The following CHST4 variants were observed in gnomAD, a reference collection of about 807,000 sequenced individuals.
CHST4 encodes carbohydrate sulfotransferase 4.
For missense variants in CHST4, 466 were observed against 506.0 expected, an observed-to-expected ratio of 0.92 and a Z score of 0.76; for synonymous variants, 171 against 195.5, an observed-to-expected ratio of 0.87 and a Z score of 1.05.
In CHST4 at chr16:71,536,820, T is replaced by A; in HGVS notation, c.143T>A (p.Leu48Gln). The A allele has an allele frequency of 2.0e-6, 3 of 1,536,886 alleles. No homozygotes were observed. Among genetic ancestry groups the A allele is most frequent in the Non-Finnish European group, 2.6e-6 (3 of 1,142,604 alleles). ...CCCGAGCGCATGCACGTGCTGGTTC[T>A]GTCTTCCTGGCGCTCTGGCTCTTCT... ...AQPERMHVLV[L>Q]SSWRSGSSFV... Residue 48 changes from leucine (L) to glutamine (Q), a missense_variant, in exon 2 of 2, where the codon CTG (leucine) becomes CAG (glutamine). Leu to Gln is a moderately radical substitution (Grantham distance 113). Transcript: ENST00000539698.
intron 1 of CHST4, among the ~76,000 whole-genome samples, chr16:71,528,801 G>A (rs570768478): frequency 2.6e-5 from 4 of 152,134 alleles, no homozygotes; most frequent in South Asian, 2.1e-4. Flanking sequence ...TTGTCTCTAC[G>A]AGGCTACATG....
At chr16:71,529,696 C>G (rs527440238) in intron 1 of CHST4, among the ~76,000 whole-genome samples, 1 of 151,536 alleles carries the variant, frequency 6.6e-6, no homozygotes, top group Admixed American at 6.6e-5. Context: ...TTTAATGAGC[C>G]GAGCCCTGAT....
At chr16:71,531,881 A>C (rs1242823885) in intron 1 of CHST4, among the ~76,000 whole-genome samples, 1 of 151,810 alleles carries the variant, frequency 6.6e-6, no homozygotes. Context: ...ACTTTTTCTC[A>C]TACTCACATT....
intron 1 of CHST4, among the ~76,000 whole-genome samples, chr16:71,533,242 T>C (rs1202578032): frequency 6.6e-6 from 1 of 151,790 alleles, no homozygotes; most frequent in Non-Finnish European, 1.5e-5. Flanking sequence ...CTGGCTAACA[T>C]GGTGAAACCT....
At chr16:71,535,844 T>C (rs1040797936) in intron 1 of CHST4, among the ~76,000 whole-genome samples, 45 of 152,198 alleles carry the variant, frequency 3.0e-4, no homozygotes, top group African/African-American at 9.9e-4. Context: ...AGGTCGACAT[T>C]GGATCAACTC....
chr16:71,533,024 A>T lies in CHST4; in HGVS notation c.-18-3636A>T, dbSNP rs551787071. Among the ~76,000 whole-genome samples the T allele has an allele frequency of 8.4e-4, 128 of 151,924 alleles. 1 individual carries two copies. Among genetic ancestry groups the T allele is most frequent in the Middle Eastern group, 3.4e-3 (1 of 294 alleles). The stretch of plus-strand genomic sequence containing the variant: ...GGCAGCACAGAACAGATAACTTGAA[A>T]TTTTTTTTTGATTTTTTTTTGCATT... On this transcript the variant is annotated intron_variant, in intron 1 of 1. Transcript: ENST00000539698.
chr16:71,529,903 T>C (rs931133223), intron 1 of CHST4, among the ~76,000 whole-genome samples: 1 of 152,126 alleles, frequency 6.6e-6, no homozygotes, highest in Admixed American at 6.5e-5. Context: ...ATCCCAGCAC[T>C]TTGGCAGGCC....
Position 71,537,094 on chromosome 16 carries a change from C to T in CHST4, c.417C>T (p.Asp139=). The stretch of plus-strand genomic sequence containing the variant: ...CCCTGTGTTCTGCACCTGCCTGTGA[C>T]ATCATCCCACAAGATGAAATCATCC... ...SRALCSAPAC[D]IIPQDEIIPR... is the part of the protein sequence containing the mutation. The change falls in exon 2 of 2, where the codon GAC becomes GAT. Residue 139 remains aspartate (D), a synonymous_variant. Coordinates refer to ENST00000539698, the MANE Select transcript of CHST4 (RefSeq NM_001166395.2). The surrounding 1 kb of genome is among the most constrained non-coding windows in gnomAD (Gnocchi z 4.2). The T allele has an allele frequency of 6.2e-7, 1 of 1,614,202 alleles. No homozygotes were observed. The highest frequency in any genetic ancestry group is 8.5e-7 in the Non-Finnish European group (1 of 1,180,040).
chr16:71,527,270 T>C (rs1223498704), intron 1 of CHST4, among the ~76,000 whole-genome samples: 4 of 152,182 alleles, frequency 2.6e-5, no homozygotes, highest in African/African-American at 4.8e-5. Flanking sequence ...AATGTAATAT[T>C]GTCGATGAAA....
chr16:71,526,788 A>C (rs1025226646), intron 1 of CHST4, among the ~76,000 whole-genome samples: 1 of 152,158 alleles, frequency 6.6e-6, no homozygotes, highest in Non-Finnish European at 1.5e-5. Flanking sequence ...CCCTGGTGCC[A>C]ACTGACTCGT....
intron 1 of CHST4, among the ~76,000 whole-genome samples, chr16:71,532,446 G>A (rs986761004): frequency 1.3e-5 from 2 of 152,222 alleles, no homozygotes; most frequent in Non-Finnish European, 2.9e-5. Context: ...CAGCCATGAT[G>A]ATGAGATGAT....
chr16:71,537,124 G>A lies in CHST4; in HGVS notation c.447G>A (p.Arg149=). ...DIIPQDEIIP[R]AHCRLLCSQQ... is the part of the protein sequence containing the mutation. ...TCCCACAAGATGAAATCATCCCCCGGGCTCACTGCAGGCTCCTGTGCAGTC... is the reference window on the plus strand; with the variant it reads ...TCCCACAAGATGAAATCATCCCCCGAGCTCACTGCAGGCTCCTGTGCAGTC... The change falls in exon 2 of 2, where the codon CGG becomes CGA. Residue 149 remains arginine, a synonymous_variant. Coordinates refer to ENST00000539698, the MANE Select transcript of CHST4 (RefSeq NM_001166395.2). This position sits in a 1 kb window ranked among gnomAD's most constrained non-coding sequence, Gnocchi z 4.2. 6.2e-7 allele frequency: 1 copy of A among 1,614,110 alleles called. No individual in the cohort carries two copies. Among genetic ancestry groups the A allele is most frequent in the Non-Finnish European group, 8.5e-7 (1 of 1,180,026 alleles).
chr16:71,534,348 C>CTT lies in CHST4; in HGVS notation c.-18-2294_-18-2293dup, dbSNP rs548597955. 4.3e-3 allele frequency among the ~76,000 whole-genome samples: 534 copies of CTT among 123,338 alleles called. 9 individuals carry two copies. The highest frequency in any genetic ancestry group is 9.4e-3 in the Middle Eastern group (2 of 212). 80.9% of individuals were successfully genotyped at this position (123,338 alleles called of 152,430 possible). ...AGATCTGACTGGGCAACATTTCTTTCTTTTTTTTTTTTTTTTTTTCTTTTT... is the reference window on the plus strand; with the variant it reads ...AGATCTGACTGGGCAACATTTCTTTCTTTTTTTTTTTTTTTTTTTTTCTTTTT... On this transcript the variant is annotated intron_variant, in intron 1 of 1. Coordinates refer to ENST00000539698, the MANE Select transcript of CHST4 (RefSeq NM_001166395.2).
At position 71,537,894 on chromosome 16, in the gene CHST4, A is replaced by G. The variant is rs1042852633; in HGVS notation, c.*56A>G. 1.3e-6 allele frequency: 2 copies of G among 1,504,302 alleles called. No individual in the cohort carries two copies. Among genetic ancestry groups the G allele is most frequent in the Admixed American group, 3.8e-5 (2 of 52,680 alleles). The allele number at this position is 1,504,302 out of a possible 1,614,324, so 93.2% of individuals were successfully genotyped here. The stretch of plus-strand genomic sequence containing the variant: ...TGTCAGCCTCAGTCACTTTCTCTGA[A>G]TGCTTCTGAGCCTTGCCTACATCTC... On this transcript the variant is annotated 3_prime_UTR_variant, in exon 2 of 2. Coordinates refer to ENST00000539698, the MANE Select transcript of CHST4 (RefSeq NM_001166395.2). The surrounding 1 kb of genome is among the most constrained non-coding windows in gnomAD (Gnocchi z 4.2).
chr16:71,530,807 G>C (rs553738822), intron 1 of CHST4, among the ~76,000 whole-genome samples: 3 of 151,948 alleles, frequency 2.0e-5, no homozygotes, highest in African/African-American at 7.3e-5. Context: ...TGGGCCAGGC[G>C]TGGTGGCTCA....
intron 1 of CHST4, among the ~76,000 whole-genome samples, chr16:71,529,752 C>T (rs2043934404): frequency 6.6e-6 from 1 of 151,984 alleles, no homozygotes; most frequent in Non-Finnish European, 1.5e-5. Context: ...AAGATACAGC[C>T]TTTCCCTTAA....
Position 71,537,948 on chromosome 16 carries a change from C to T in CHST4, c.*110C>T, listed in dbSNP as rs1597040178. Reference sequence around the variant, plus strand: ...GCCTTAACTACATGTCTGTGGGTATCACACTGAGTGTGAGTTGTGTCCACA... The same window carrying T: ...GCCTTAACTACATGTCTGTGGGTATTACACTGAGTGTGAGTTGTGTCCACA... On this transcript the variant is annotated 3_prime_UTR_variant, in exon 2 of 2. Transcript: ENST00000539698. This position sits in a 1 kb window ranked among gnomAD's most constrained non-coding sequence, Gnocchi z 4.2. 8.9e-6 allele frequency: 9 copies of T among 1,007,958 alleles called. No homozygotes were observed. The highest frequency in any genetic ancestry group is 1.2e-5 in the Non-Finnish European group (8 of 681,462). The allele number at this position is 1,007,958 out of a possible 1,614,324, so 62.4% of individuals were successfully genotyped here. A position where few individuals can be genotyped will look rare whatever the true frequency, so the allele number is the denominator to read the frequency against.
At chr16:71,534,786 C>T (rs1322480507) in intron 1 of CHST4, among the ~76,000 whole-genome samples, 2 of 152,228 alleles carry the variant, frequency 1.3e-5, no homozygotes, top group Non-Finnish European at 2.9e-5. Context: ...CACTTACCAT[C>T]TGGAAATCTA....
At chr16:71,532,965 G>A (rs994439068) in intron 1 of CHST4, among the ~76,000 whole-genome samples, 13 of 152,118 alleles carry the variant, frequency 8.5e-5, no homozygotes, top group African/African-American at 2.9e-4. Context: ...GCCCTGGAAT[G>A]CTCCCTAAGA....
Sources: gnomAD v4.1 joint callset for allele counts (sites outside exome capture counted in the v4.1 genomes callset) on GRCh38, gnomAD v4.1.1 for gene constraint, Gnocchi (gnomAD v3.1) non-coding constraint, MANE v1.5 for transcripts, NCBI Gene and HGNC (gene_info 2026-07-23, HGNC 2026-07-21) for gene names.